The following CYP4X1 variants were observed in gnomAD, a reference collection of about 807,000 sequenced individuals.
CYP4X1 encodes the protein cytochrome P450 4X1.
In CYP4X1, 44 loss-of-function variants were observed where a neutral mutation model predicts 57.9. That is an observed-to-expected ratio of 0.76 (90% CI 0.60 to 0.98). CYP4X1 has a LOEUF of 0.98. Ranked by LOEUF, CYP4X1 falls within the 50% of genes least tolerant of loss-of-function variation. The pLI, the probability that CYP4X1 is intolerant of heterozygous loss-of-function variation, is 0.00. For synonymous variants in CYP4X1, 227 were observed against 228.6 expected, an observed-to-expected ratio of 0.99 and a Z score of 0.06; for missense variants, 532 against 623.9, an observed-to-expected ratio of 0.85 and a Z score of 1.57.
the CYP4X1 span, chr1:46,994,264 G>C: frequency 1.3e-5 from 2 of 152,114 alleles, no homozygotes; most frequent in Admixed American, 1.3e-4. Context: ...TATTTCTGAG[G>C]GCTCTATTCT....
At chr1:47,036,370 T>TTATATGTATA in intron 6 of CYP4X1, among the ~76,000 whole-genome samples, 199 bp downstream of exon 6, 1 of 129,838 alleles carries the variant, frequency 7.7e-6, no homozygotes, top group East Asian at 3.6e-4. Context: ...ATCAGAATTT[T>TTATATGTATA]TATATATATA....
chr1:47,023,546 A>C, upstream of CYP4X1: 1 of 1,205,024 alleles, frequency 8.3e-7, no homozygotes, highest in African/African-American at 1.6e-5. Flanking sequence ...TGTTGGACTT[A>C]AAAGAGGACG....
chr1:46,967,627 G>A, the CYP4X1 span: 1 of 376,584 alleles, frequency 2.7e-6, no homozygotes, highest in Middle Eastern at 6.0e-4. Flanking sequence ...CAGACAGGCA[G>A]GAGACAGGAG....
At chr1:46,971,055 G>A in the CYP4X1 span, among the ~76,000 whole-genome samples, 3 of 152,098 alleles carry the variant, frequency 2.0e-5, no homozygotes, top group Non-Finnish European at 4.4e-5. Context: ...TATTCAATAG[G>A]TAATTTTTGA....
chr1:46,978,587 A>C, the CYP4X1 span, among the ~76,000 whole-genome samples: 1 of 151,960 alleles, frequency 6.6e-6, no homozygotes, highest in South Asian at 2.1e-4. Context: ...GTTAACAAGG[A>C]TATCCAGGAC....
At chr1:47,030,928 C>T (rs1483415737) in intron 2 of CYP4X1, among the ~76,000 whole-genome samples, 1 of 152,006 alleles carries the variant, frequency 6.6e-6, no homozygotes, top group Non-Finnish European at 1.5e-5. Context: ...GTCATAAAAC[C>T]CACAGAGGCC....
the CYP4X1 span, among the ~76,000 whole-genome samples, chr1:47,008,259 G>T: frequency 6.6e-6 from 1 of 152,092 alleles, no homozygotes; most frequent in East Asian, 1.9e-4. Context: ...AGAGAGTGGG[G>T]GCCAATATTC....
At chr1:46,993,396 T>C in the CYP4X1 span, among the ~76,000 whole-genome samples, 4 of 152,212 alleles carry the variant, frequency 2.6e-5, no homozygotes, top group African/African-American at 9.6e-5. Context: ...TAAACATACA[T>C]ATGCATGTGT....
chr1:46,987,538 T>C, the CYP4X1 span, among the ~76,000 whole-genome samples: 1 of 152,192 alleles, frequency 6.6e-6, no homozygotes, highest in African/African-American at 2.4e-5. Context: ...GCAGACCTAA[T>C]AGACATCGAC....
the CYP4X1 span, among the ~76,000 whole-genome samples, chr1:46,984,598 G>A: frequency 5.3e-5 from 8 of 152,148 alleles, no homozygotes; most frequent in African/African-American, 1.2e-4. Flanking sequence ...CCTGGGAAGC[G>A]CAAGGGGTCA....
the CYP4X1 span, among the ~76,000 whole-genome samples, chr1:46,997,697 C>T: frequency 6.6e-6 from 1 of 152,144 alleles, no homozygotes; most frequent in Non-Finnish European, 1.5e-5. Context: ...AAAATGATTT[C>T]TTTTCCTTTG....
chr1:46,982,785 T>C, the CYP4X1 span, among the ~76,000 whole-genome samples: 1 of 152,216 alleles, frequency 6.6e-6, no homozygotes, highest in South Asian at 2.1e-4. Context: ...GCATGTGGGC[T>C]TCTGTCCCAC....
chr1:47,007,698 C>T, the CYP4X1 span, among the ~76,000 whole-genome samples: 2 of 152,090 alleles, frequency 1.3e-5, no homozygotes, highest in Non-Finnish European at 2.9e-5. Flanking sequence ...AGACGAATGG[C>T]TAACTAGAAT....
At chr1:46,969,504 G>A in the CYP4X1 span, among the ~76,000 whole-genome samples, 1 of 152,226 alleles carries the variant, frequency 6.6e-6, no homozygotes, top group East Asian at 1.9e-4. Context: ...CTTTCTGGAA[G>A]AACAATTTGC....
chr1:47,033,168 G>T (rs1262473372), intron 3 of CYP4X1, 73 bp from the exon 4 acceptor site: 1 of 1,545,798 alleles, frequency 6.5e-7, no homozygotes, highest in African/African-American at 1.4e-5. Context: ...ACTCCACGCT[G>T]CCTGTGTTCC....
chr1:47,051,346 T>G (rs1644358948), downstream of CYP4X1, among the ~76,000 whole-genome samples: 1 of 145,740 alleles, frequency 6.9e-6, no homozygotes, highest in African/African-American at 2.6e-5. Flanking sequence ...GCCACTGCAC[T>G]CCAGCCTGGG....
chr1:47,033,651 T>G (rs1277843765), intron 4 of CYP4X1, among the ~76,000 whole-genome samples: 2 of 152,198 alleles, frequency 1.3e-5, no homozygotes, highest in African/African-American at 2.4e-5. Context: ...GTGCTGTAGA[T>G]GTGTTTCATG....
the CYP4X1 span, among the ~76,000 whole-genome samples, chr1:46,977,599 A>T: frequency 6.6e-6 from 1 of 152,130 alleles, no homozygotes; most frequent in Non-Finnish European, 1.5e-5. Context: ...AGGTAGGCCA[A>T]CATCCAAATT....
At chr1:46,972,500 G>A in the CYP4X1 span, among the ~76,000 whole-genome samples, 1 of 152,156 alleles carries the variant, frequency 6.6e-6, no homozygotes, top group Admixed American at 6.5e-5. Context: ...GATAGGAATA[G>A]CATTGAATCT....
Sources: gnomAD v4.1 joint callset for allele counts (sites outside exome capture counted in the v4.1 genomes callset) on GRCh38, gnomAD v4.1.1 for gene constraint, MANE v1.5 for transcripts, NCBI Gene and HGNC (gene_info 2026-07-23, HGNC 2026-07-21) for gene names.